PDE1C: variants seen among roughly 807,000 people sequenced by gnomAD.
The protein encoded by PDE1C is phosphodiesterase 1C.
A neutral mutation model predicts 93.1 loss-of-function variants in PDE1C; 62 were observed. That is an observed-to-expected ratio of 0.67 (90% CI 0.54 to 0.82). The LOEUF (loss-of-function observed/expected upper bound fraction) is 0.82, where lower values mean the gene tolerates loss of function less well. Among genes scored for constraint, PDE1C ranks in the 40% least tolerant of loss-of-function variants. The pLI is 0.00. For synonymous variants in PDE1C, 325 were observed against 310.1 expected (o/e 1.05, Z -0.50); for missense variants, 742 against 884.6 (o/e 0.84, Z 2.04).
At chr7:32,077,120 G>A (rs1796402455) in intron 3 of PDE1C, among the ~76,000 whole-genome samples, 1 of 152,038 alleles carries the variant, frequency 6.6e-6, no homozygotes. Flanking sequence ...CATTCCTGTA[G>A]TCCCAGCTAC....
the PDE1C span, among the ~76,000 whole-genome samples, chr7:31,714,289 C>T: frequency 1.3e-5 from 2 of 152,164 alleles, no homozygotes; most frequent in African/African-American, 2.4e-5. Flanking sequence ...TAACAAGAGT[C>T]ACCTTTCCTC....
chr7:32,145,233 C>T (rs1048795552), intron 3 of PDE1C, among the ~76,000 whole-genome samples: 2 of 152,096 alleles, frequency 1.3e-5, no homozygotes, highest in Non-Finnish European at 2.9e-5. Context: ...GGGAGAGGAA[C>T]GAGGGACCTG....
intron 2 of PDE1C, among the ~76,000 whole-genome samples, chr7:31,995,259 G>A (rs965570859): frequency 2.6e-5 from 4 of 152,160 alleles, no homozygotes; most frequent in African/African-American, 9.7e-5. Context: ...AAGAGAAGAG[G>A]AAGGGAGAGA....
intron 1 of PDE1C, among the ~76,000 whole-genome samples, chr7:32,257,071 G>C (rs1333523172): frequency 6.6e-6 from 1 of 152,156 alleles, no homozygotes; most frequent in Non-Finnish European, 1.5e-5. Flanking sequence ...AGGATTATCA[G>C]ACACACAGTT....
chr7:32,332,278 G>C, intron 1 of PDE1C, among the ~76,000 whole-genome samples: 1 of 152,068 alleles, frequency 6.6e-6, no homozygotes, highest in East Asian at 1.9e-4. Flanking sequence ...CATATGAAAA[G>C]GGGCCCAACT....
At chr7:32,103,653 A>G (rs62457524) in intron 3 of PDE1C, among the ~76,000 whole-genome samples, 30,961 of 152,228 alleles carry the variant, frequency 0.2, 3,801 homozygotes, top group Middle Eastern at 0.3. Context: ...GCTTGCTGTT[A>G]GCTTGTAATG....
chr7:32,263,610 A>AT (rs1470266060), intron 1 of PDE1C, among the ~76,000 whole-genome samples: 1 of 152,094 alleles, frequency 6.6e-6, no homozygotes, highest in East Asian at 1.9e-4. Flanking sequence ...CCTTTATAGT[A>AT]TTTTTTTCTC....
chr7:32,409,210 A>G lies in PDE1C; in HGVS notation c.310+18612T>C, dbSNP rs549335757. 2.6e-5 allele frequency among the ~76,000 whole-genome samples: 4 copies of G among 152,112 alleles called. No homozygotes were observed. In the South Asian group the frequency reaches 6.2e-4, roughly 24 times the overall value. On this transcript the variant is annotated intron_variant, in intron 1 of 1. Transcript: ENST00000672256. ...CATCTCTAAAAAAAAAATACAAAAA[A>G]TTAGGCTGGGCATGGTGGCATGTGC...
intron 2 of PDE1C, among the ~76,000 whole-genome samples, chr7:32,027,928 T>C (rs1046899907): frequency 6.6e-6 from 1 of 152,034 alleles, no homozygotes; most frequent in African/African-American, 2.4e-5. Flanking sequence ...GCAAGTCTTC[T>C]TGGGATTCAG....
chr7:31,798,142 C>T (rs968777062), intron 16 of PDE1C, among the ~76,000 whole-genome samples: 1 of 151,810 alleles, frequency 6.6e-6, no homozygotes, highest in Non-Finnish European at 1.5e-5. Flanking sequence ...AAACCACCAA[C>T]TGGCCAGTTG....
intron 2 of PDE1C, among the ~76,000 whole-genome samples, chr7:32,032,600 G>T (rs1790479344): frequency 6.6e-6 from 1 of 152,182 alleles, no homozygotes; most frequent in African/African-American, 2.4e-5. Flanking sequence ...GCTCTACCAA[G>T]AAGGAATCGT....
chr7:31,637,154 G>C, the PDE1C span, among the ~76,000 whole-genome samples: 2 of 151,924 alleles, frequency 1.3e-5, no homozygotes, highest in African/African-American at 4.8e-5. Flanking sequence ...CATTTGGGTT[G>C]GTTCCAAGTC....
the PDE1C span, among the ~76,000 whole-genome samples, chr7:31,661,500 G>A: frequency 6.6e-6 from 1 of 152,038 alleles, no homozygotes; most frequent in Non-Finnish European, 1.5e-5. Flanking sequence ...ATCACCTGAG[G>A]TCAGGAGTTC....
chr7:31,756,788 C>A (rs1270500476), intron 17 of PDE1C, among the ~76,000 whole-genome samples: 2 of 152,084 alleles, frequency 1.3e-5, no homozygotes, highest in African/African-American at 4.8e-5. Flanking sequence ...AAATGATCAT[C>A]AAAAACAGAT....
intron 2 of PDE1C, among the ~76,000 whole-genome samples, chr7:31,992,997 G>A (rs1221346650): frequency 6.6e-6 from 1 of 152,160 alleles, no homozygotes; most frequent in East Asian, 1.9e-4. Flanking sequence ...TTGGGGTATT[G>A]TCTAGAATAA....
the PDE1C span, among the ~76,000 whole-genome samples, chr7:31,702,865 G>A: frequency 9.9e-5 from 15 of 152,070 alleles, no homozygotes; most frequent in African/African-American, 2.7e-4. Flanking sequence ...TTTTCTGTTC[G>A]TGCTTGTATC....
At chr7:32,304,199 C>A (rs1373503126), upstream of PDE1C, among the ~76,000 whole-genome samples, 1 of 152,156 alleles carries the variant, frequency 6.6e-6, no homozygotes, top group African/African-American at 2.4e-5. Context: ...AACCACCCGA[C>A]TTGAAGCCTC....
intron 2 of PDE1C, among the ~76,000 whole-genome samples, chr7:31,961,717 G>C (rs192523886): frequency 3.9e-5 from 6 of 152,116 alleles, no homozygotes; most frequent in Admixed American, 3.3e-4. Context: ...ACATACGTAT[G>C]TATAACATTC....
At chr7:31,998,033 T>TA (rs1554456823) in intron 2 of PDE1C, among the ~76,000 whole-genome samples, 43 of 150,926 alleles carry the variant, frequency 2.8e-4, no homozygotes, top group Non-Finnish European at 4.4e-4. Flanking sequence ...TTTATTTATT[T>TA]TTTTGAGACG....
Sources: gnomAD v4.1 joint callset for allele counts (sites outside exome capture counted in the v4.1 genomes callset) on GRCh38, gnomAD v4.1.1 for gene constraint, MANE v1.5 for transcripts, NCBI Gene and HGNC (gene_info 2026-07-23, HGNC 2026-07-21) for gene names.